The following DHRS12 variants were observed in gnomAD, a reference collection of about 807,000 sequenced individuals.
DHRS12 encodes the protein dehydrogenase/reductase 12.
Under a neutral mutation model 32.1 loss-of-function variants are expected in DHRS12, and 29 were observed. The ratio of observed to expected loss-of-function variants is 0.90; its 90% CI spans 0.67 to 1.23. The LOEUF is 1.23. Among genes scored for constraint, DHRS12 ranks in the 50% most tolerant of loss-of-function variants. The probability of loss-of-function intolerance (pLI) is 0.00; values close to 1 mark genes in which losing one functional copy is unlikely to be tolerated. For synonymous variants in DHRS12, 150 were observed against 135.9 expected, an observed-to-expected ratio of 1.10 and a Z score of -0.72; for missense variants, 330 against 337.2, an observed-to-expected ratio of 0.98 and a Z score of 0.17.
intron 4 of DHRS12, among the ~76,000 whole-genome samples, chr13:51,783,523 A>T (rs985792715): frequency 6.6e-6 from 1 of 152,170 alleles, no homozygotes; most frequent in Non-Finnish European, 1.5e-5. Context: ...GTGTGTGTGT[A>T]CACAGTTCTG....
chr13:51,790,838 GCTT>G (rs1955232969), intron 3 of DHRS12, among the ~76,000 whole-genome samples: 1 of 152,146 alleles, frequency 6.6e-6, no homozygotes, highest in Non-Finnish European at 1.5e-5. Flanking sequence ...GACAAAAAGA[GCTT>G]CTAATTTCAA....
At chr13:51,797,175 T>C (rs1452368205) in intron 2 of DHRS12, among the ~76,000 whole-genome samples, 1 of 152,146 alleles carries the variant, frequency 6.6e-6, no homozygotes, top group Non-Finnish European at 1.5e-5. Flanking sequence ...ACACGATGGA[T>C]CATGGGAATA....
chr13:51,788,035 T>A (rs2139237856), intron 4 of DHRS12, among the ~76,000 whole-genome samples: 1 of 149,844 alleles, frequency 6.7e-6, no homozygotes, highest in African/African-American at 2.5e-5. Context: ...GGTGGATGGG[T>A]GAGCAAGAGC....
chr13:51,787,868 A>AAT (rs61044310), intron 4 of DHRS12, among the ~76,000 whole-genome samples: 79,241 of 113,690 alleles, frequency 0.7, 28,420 homozygotes, highest in African/African-American at 0.77. Context: ...ATAATATATA[A>AAT]ATATATAATT....
At chr13:51,801,702 T>C (rs934953960) in intron 1 of DHRS12, among the ~76,000 whole-genome samples, 2 of 152,102 alleles carry the variant, frequency 1.3e-5, no homozygotes, top group Non-Finnish European at 2.9e-5. Flanking sequence ...AGTCAATGAA[T>C]AGGGGCTTAG....
intron 1 of DHRS12, among the ~76,000 whole-genome samples, chr13:51,802,641 C>CCAAT (rs1216057802): frequency 6.6e-6 from 1 of 152,154 alleles, no homozygotes; most frequent in Admixed American, 6.5e-5. Context: ...CCTTAGGAGC[C>CCAAT]CAATATAGGG....
In DHRS12 at chr13:51,769,178, C is replaced by T; in HGVS notation, c.675G>A (p.Gln225=). ...CACCTTGAAAGAAGCGGCCGCTGGG[C>T]TGTGCGGCTGCGGCAGAGGAGAGGG... is the stretch of plus-strand genomic sequence containing the variant. ...WLALSSAAAA[Q]PSGRFFQDRK... is the part of the protein sequence containing the mutation. The change falls in exon 8 of 9, where the codon CAG becomes CAA. Residue 225 remains glutamine (Q), a synonymous_variant. Transcript: ENST00000444610. 6.4e-7 allele frequency: 1 copy of T among 1,553,550 alleles called. No individual in the cohort carries two copies. Among genetic ancestry groups the T allele is most frequent in the Non-Finnish European group, 8.7e-7 (1 of 1,149,562 alleles).
the DHRS12 span, chr13:51,756,678 G>A: frequency 4.1e-6 from 4 of 978,792 alleles, no homozygotes; most frequent in South Asian, 1.4e-4. Context: ...ATTCATCTCT[G>A]TGTTCTTTCT....
chr13:51,800,491 C>T (rs1955701792), intron 1 of DHRS12, among the ~76,000 whole-genome samples: 1 of 152,250 alleles, frequency 6.6e-6, no homozygotes, highest in Admixed American at 6.5e-5. Context: ...AGGGCAGACT[C>T]TGCCCACGCA....
At chr13:51,800,682 CA>C (rs1955713341) in intron 1 of DHRS12, among the ~76,000 whole-genome samples, 1 of 152,248 alleles carries the variant, frequency 6.6e-6, no homozygotes, top group Non-Finnish European at 1.5e-5. Context: ...TGGTACAGCA[CA>C]ACTGCCAGTT....
At chr13:51,767,990 G>A, downstream of DHRS12, 2 of 1,381,886 alleles carry the variant, frequency 1.4e-6, no homozygotes, top group Non-Finnish European at 9.3e-7. Context: ...CCTGCTGCAG[G>A]AGTTCAAGGT....
At chr13:51,756,271 T>C in the DHRS12 span, 1 of 1,559,976 alleles carries the variant, frequency 6.4e-7, no homozygotes, top group Non-Finnish European at 8.7e-7. Flanking sequence ...AGGGGTGAGA[T>C]GCGGGGGCCT....
intron 2 of DHRS12, among the ~76,000 whole-genome samples, chr13:51,798,835 GCA>G (rs1480857154): frequency 1.3e-5 from 2 of 152,234 alleles, no homozygotes; most frequent in African/African-American, 4.8e-5. Context: ...CTGGAGAGAT[GCA>G]GCAAACTTTT....
the DHRS12 span, among the ~76,000 whole-genome samples, chr13:51,759,051 T>G: frequency 1.3e-5 from 2 of 152,146 alleles, no homozygotes; most frequent in African/African-American, 4.8e-5. Flanking sequence ...ACGTGGTGGT[T>G]CCTGCCTGTA....
In DHRS12 at chr13:51,768,107, CTT is replaced by C; in HGVS notation, c.*78_*79del. ...CTTCGAGGGGAAGTTGAAGTGGGGT[CTT>C]CTTATTCACTGGTCCCTAGACCGCA... On this transcript the variant is annotated 3_prime_UTR_variant, in exon 9 of 9. Transcript: ENST00000444610. 1 of 1,244,510 alleles carries C rather than the reference CTT, an allele frequency of 8.0e-7. No homozygotes were observed. The highest frequency in any genetic ancestry group is 1.0e-6 in the Non-Finnish European group (1 of 962,476). 77.1% of individuals were successfully genotyped at this position (1,244,510 alleles called of 1,614,324 possible).
chr13:51,792,655 C>T (rs915850058), intron 2 of DHRS12, among the ~76,000 whole-genome samples: 2 of 152,144 alleles, frequency 1.3e-5, no homozygotes, highest in African/African-American at 4.8e-5. Flanking sequence ...CTGCCTTGGC[C>T]TCCCAAAGTT....
At position 51,799,599 on chromosome 13, in the gene DHRS12, A is replaced by G; in HGVS notation, c.61T>C (p.Ser21Pro). Residue 21 changes from serine to proline, a missense_variant, in exon 2 of 9, where the codon TCT becomes CCT. Transcript: ENST00000444610. ...MTWRSRFLEE[S>P]FWSLEETAAL... Reference sequence around the variant, plus strand: ...GCTGTTTCCTCCAGTGACCAAAAAGACTCTTCCAGGAATCTGGACCTCCAA... The same window carrying G: ...GCTGTTTCCTCCAGTGACCAAAAAGGCTCTTCCAGGAATCTGGACCTCCAA... The G allele has an allele frequency of 6.2e-7, 1 of 1,613,800 alleles. No individual in the cohort carries two copies. The highest frequency in any genetic ancestry group is 8.5e-7 in the Non-Finnish European group (1 of 1,179,964).
Position 51,782,796 on chromosome 13 carries a change from A to G in DHRS12, c.302-5675T>C, listed in dbSNP as rs933512821. 1.3e-5 allele frequency among the ~76,000 whole-genome samples: 2 copies of G among 152,140 alleles called. No homozygotes were observed. Among genetic ancestry groups the G allele is most frequent in the African/African-American group, 4.8e-5 (2 of 41,420 alleles). ...GGGCCTCAGCTCATTAAAAGGACAA[A>G]GGTGCTTATTTGGGATTGTGTTTCT... On this transcript the variant is annotated intron_variant, in intron 4 of 8. Transcript: ENST00000444610. This position sits in a 1 kb window ranked among gnomAD's most constrained non-coding sequence, Gnocchi z 4.2.
At chr13:51,803,889 G>T in intron 1 of DHRS12, 165 bp downstream of exon 1, 1 of 553,378 alleles carries the variant, frequency 1.8e-6, no homozygotes, top group Non-Finnish European at 2.7e-6. Context: ...CCCACGCCCA[G>T]CCGTGGGTCG....
Sources: allele counts gnomAD v4.1 joint callset (sites outside exome capture counted in the v4.1 genomes callset), GRCh38; gene constraint gnomAD v4.1.1; non-coding constraint Gnocchi (gnomAD v3.1); transcripts MANE v1.5; gene names NCBI Gene and HGNC (gene_info 2026-07-23, HGNC 2026-07-21).